The following ABCA8 variants were observed in gnomAD, a reference collection of about 807,000 sequenced individuals.
ABCA8 encodes ATP binding cassette subfamily A member 8.
In ABCA8, 177 loss-of-function variants were observed where a neutral mutation model predicts 192.3. That is an observed-to-expected ratio of 0.92 (90% CI 0.81 to 1.04). The LOEUF (loss-of-function observed/expected upper bound fraction) is 1.04. Ranked by LOEUF, ABCA8 falls within the 50% of genes least tolerant of loss-of-function variation. ABCA8 has a pLI of 0.00. For synonymous variants in ABCA8, 642 were observed against 690.2 expected, an observed-to-expected ratio of 0.93 and a Z score of 1.09; for missense variants, 1,915 against 1,904.8, an observed-to-expected ratio of 1.01 and a Z score of -0.10.
intron 1 of ABCA8, among the ~76,000 whole-genome samples, chr17:68,954,746 G>A (rs1598308431): frequency 6.6e-6 from 1 of 152,112 alleles, no homozygotes; most frequent in Non-Finnish European, 1.5e-5. Flanking sequence ...GTGAGCGATA[G>A]GAACAATAAA....
At chr17:68,894,111 AG>A in intron 23 of ABCA8, 61 bp downstream of exon 23, 1 of 1,558,054 alleles carries the variant, frequency 6.4e-7, no homozygotes, top group Non-Finnish European at 8.8e-7. Flanking sequence ...AGCACTTAAA[AG>A]GGTGATCTGG....
chr17:68,903,967 C>G (rs540787869), intron 19 of ABCA8, among the ~76,000 whole-genome samples: 1 of 152,212 alleles, frequency 6.6e-6, no homozygotes, highest in African/African-American at 2.4e-5. Context: ...TCTATAATCT[C>G]TGGATACCCA....
chr17:68,943,165 C>G (rs2068280170), intron 2 of ABCA8, among the ~76,000 whole-genome samples: 1 of 152,028 alleles, frequency 6.6e-6, no homozygotes, highest in South Asian at 2.1e-4. Context: ...GAATTAAAAT[C>G]TTAATATAGG....
At chr17:68,881,288 A>G in intron 31 of ABCA8, 77 bp from the exon 32 acceptor site, 1 of 1,037,754 alleles carries the variant, frequency 9.6e-7, no homozygotes, top group Non-Finnish European at 1.5e-6. Context: ...AAATCTCACT[A>G]TGTGACAAGC....
At chr17:68,942,759 A>G (rs2068267672) in intron 2 of ABCA8, among the ~76,000 whole-genome samples, 1 of 152,120 alleles carries the variant, frequency 6.6e-6, no homozygotes, top group Non-Finnish European at 1.5e-5. Flanking sequence ...TTCTTTGGAT[A>G]TTCTCCCTCA....
chr17:68,915,259 TA>T (rs2067325840), intron 17 of ABCA8, among the ~76,000 whole-genome samples: 1 of 151,964 alleles, frequency 6.6e-6, no homozygotes, highest in African/African-American at 2.4e-5. Context: ...CAGAGGTGAC[TA>T]AAGCTAAAAT....
At chr17:68,906,593 A>G (rs549641387) in intron 18 of ABCA8, among the ~76,000 whole-genome samples, 1 of 152,286 alleles carries the variant, frequency 6.6e-6, no homozygotes, top group East Asian at 1.9e-4. Flanking sequence ...AATTAATTGG[A>G]TGGTGTAGAA....
chr17:68,878,009 G>A (rs539185276), intron 32 of ABCA8: 21 of 204,610 alleles, frequency 1.0e-4, no homozygotes, highest in African/African-American at 3.7e-4. Flanking sequence ...ATTTAACTTC[G>A]CTCATGGATC....
At chr17:68,905,580 G>T (rs1207089457) in intron 19 of ABCA8, among the ~76,000 whole-genome samples, 1 of 151,882 alleles carries the variant, frequency 6.6e-6, no homozygotes, top group East Asian at 1.9e-4. Flanking sequence ...GAAAATAGGT[G>T]GATAGATAGT....
In ABCA8 at chr17:68,937,018, G is replaced by T. The variant is rs1482904490; in HGVS notation, c.399C>A (p.Tyr133Ter). The T allele has an allele frequency of 1.9e-6, 3 of 1,610,222 alleles. No individual in the cohort carries two copies. In the African/African-American group the frequency reaches 4.0e-5, roughly 22 times the overall value. ...CTAGCAAGAACTTCAAATGATATGA[G>T]TATGTATTAGTAAAGGTGACTCTTA... ...EIVRVTFTNT[Y>*]SYHLKFLLGH... Residue 133 changes from tyrosine (Y) to a stop codon, truncating the protein, a stop_gained, in exon 5 of 40, where the codon TAC becomes TAA. Transcript: ENST00000586539. LOFTEE classifies it high-confidence loss of function.
At chr17:68,890,376 A>G (rs958996820) in intron 24 of ABCA8, among the ~76,000 whole-genome samples, 1 of 152,208 alleles carries the variant, frequency 6.6e-6, no homozygotes, top group Non-Finnish European at 1.5e-5. Context: ...TACTTTGTCC[A>G]TTTAAAAAAT....
At chr17:68,924,089 G>A (rs1258552395) in intron 11 of ABCA8, among the ~76,000 whole-genome samples, 1 of 152,136 alleles carries the variant, frequency 6.6e-6, no homozygotes, top group Non-Finnish European at 1.5e-5. Context: ...GGCCAGGCGC[G>A]GTGGCTCATG....
chr17:68,923,345 G>A (rs559770463), intron 11 of ABCA8, among the ~76,000 whole-genome samples: 30 of 151,972 alleles, frequency 2.0e-4, no homozygotes, highest in African/African-American at 6.5e-4. Flanking sequence ...GATTACTGAC[G>A]TGTAGCACCA....
Position 68,927,311 on chromosome 17 carries a change from C to T in ABCA8, c.1273+605G>A, listed in dbSNP as rs79393680. On this transcript the variant is annotated intron_variant, in intron 10 of 39. Transcript: ENST00000586539. The stretch of plus-strand genomic sequence containing the variant: ...ACAAGTATCTAGGGTGCATGAGACA[C>T]TGCAGTGGGTGCTTAAATCTCATCT... Among the ~76,000 whole-genome samples the T allele has an allele frequency of 7.5e-3, 1,137 of 152,200 alleles. 19 individuals carry two copies. Among genetic ancestry groups the T allele is most frequent in the African/African-American group, 0.027 (1,115 of 41,538 alleles).
Position 68,940,905 on chromosome 17 carries a change from G to A in ABCA8, c.154C>T (p.Gln52Ter). 1 of 1,612,632 alleles carries A rather than the reference G, an allele frequency of 6.2e-7. No individual in the cohort carries two copies. Among genetic ancestry groups the A allele is most frequent in the Non-Finnish European group, 8.5e-7 (1 of 1,178,860 alleles). The change falls in exon 4 of 40, where the codon CAA becomes TAA. Residue 52 changes from glutamine (Q) to a stop codon, truncating the protein, a stop_gained. Transcript: ENST00000586539. LOFTEE classifies it high-confidence loss of function. The stretch of plus-strand genomic sequence containing the variant: ...AGCAGTGAAGAAAAATCATTTACTT[G>A]ATGACTATGAGGATATATATACAAA... ...LCLYIYPHSHQVNDFSSLLTM... is the reference protein window; with the variant it reads ...LCLYIYPHSH
At chr17:68,952,189 T>C (rs2068585247) in intron 1 of ABCA8, among the ~76,000 whole-genome samples, 1 of 152,194 alleles carries the variant, frequency 6.6e-6, no homozygotes, top group Non-Finnish European at 1.5e-5. Flanking sequence ...AACACTCTGC[T>C]GAATTCCAAT....
chr17:68,917,032 G>A (rs2067387645), intron 17 of ABCA8, among the ~76,000 whole-genome samples: 1 of 152,120 alleles, frequency 6.6e-6, no homozygotes, highest in Non-Finnish European at 1.5e-5. Context: ...CACTTTGGGA[G>A]GCCGAGGCGG....
chr17:68,933,329 T>C (rs1429317784), intron 5 of ABCA8, 58 bp from the exon 6 acceptor site: 3 of 1,133,364 alleles, frequency 2.6e-6, no homozygotes, highest in Non-Finnish European at 3.9e-6. Context: ...TATTGAAATA[T>C]GATTTTAATA....
Position 68,922,318 on chromosome 17 carries a change from T to G in ABCA8, c.1443-18A>C. 1 of 1,302,058 alleles carries G rather than the reference T, an allele frequency of 7.7e-7. No individual in the cohort carries two copies. 80.7% of individuals were successfully genotyped at this position (1,302,058 alleles called of 1,614,324 possible). ...TTCTGATTCTGAAAAAAAGAAAAGA[T>G]ACTTCAAAGTGACAATTTTCTTCAG... On this transcript the variant is annotated intron_variant, in intron 11 of 39. Transcript: ENST00000586539.
Sources: gnomAD v4.1 joint callset for allele counts (sites outside exome capture counted in the v4.1 genomes callset) on GRCh38, gnomAD v4.1.1 for gene constraint, MANE v1.5 for transcripts, NCBI Gene and HGNC (gene_info 2026-07-23, HGNC 2026-07-21) for gene names.